Variants in SEMA5A observed in about 807,000 individuals in gnomAD.
SEMA5A encodes semaphorin 5A.
SEMA5A carries 55 observed loss-of-function variants against 135.5 expected under a neutral mutation model. That is an observed-to-expected ratio of 0.41 (90% CI 0.33 to 0.51). The LOEUF (loss-of-function observed/expected upper bound fraction) is 0.51, where lower values mean the gene tolerates loss of function less well. Ranked by LOEUF, SEMA5A falls within the 20% of genes least tolerant of loss-of-function variation. The pLI is 0.37. For synonymous variants in SEMA5A, 580 were observed against 546.5 expected (o/e 1.06, Z -0.85); for missense variants, 1,290 against 1,419.9 (o/e 0.91, Z 1.47).
At chr5:9,059,548 GTTTAT>G (rs1043607228) in intron 18 of SEMA5A, among the ~76,000 whole-genome samples, 14 of 152,052 alleles carry the variant, frequency 9.2e-5, no homozygotes, top group Non-Finnish European at 1.6e-4. Flanking sequence ...ATATTCTCTG[GTTTAT>G]TTTATTTTTA....
intron 5 of SEMA5A, among the ~76,000 whole-genome samples, chr5:9,255,155 C>T (rs987300563): frequency 1.3e-4 from 20 of 152,184 alleles, no homozygotes; most frequent in African/African-American, 4.8e-4. Flanking sequence ...CAAAACATTC[C>T]TTATCTTGAT....
intron 6 of SEMA5A, among the ~76,000 whole-genome samples, chr5:9,227,825 C>T (rs1244790898): frequency 1.3e-5 from 2 of 152,230 alleles, no homozygotes; most frequent in Non-Finnish European, 2.9e-5. Context: ...GCTGGGATTA[C>T]AGGCGTGAGC....
chr5:9,163,165 T>C (rs1031307938), intron 11 of SEMA5A, among the ~76,000 whole-genome samples: 4 of 151,978 alleles, frequency 2.6e-5, no homozygotes, highest in African/African-American at 9.7e-5. Context: ...CCAGGGCAGA[T>C]CAGACTTCTC....
chr5:9,234,587 T>C (rs1241456480), intron 6 of SEMA5A, among the ~76,000 whole-genome samples: 1 of 152,216 alleles, frequency 6.6e-6, no homozygotes, highest in East Asian at 1.9e-4. Flanking sequence ...ATTTAAACTG[T>C]CTGTGAATTT....
intron 5 of SEMA5A, among the ~76,000 whole-genome samples, chr5:9,300,242 G>T (rs770097206): frequency 1.3e-5 from 2 of 152,106 alleles, no homozygotes; most frequent in Non-Finnish European, 2.9e-5. Flanking sequence ...TACCCAGGCT[G>T]GTCTCAAACT....
rs191414035 is a variant in SEMA5A at position 9,115,378 on chromosome 5, A to G, written c.1925+3620T>C. Among the ~76,000 whole-genome samples the G allele has an allele frequency of 1.1e-4, 17 of 152,328 alleles. No homozygotes were observed. The East Asian group carries it at 2.5e-3, about 22-fold the overall frequency. Reference sequence around the variant, plus strand: ...TATGCCCACTCCCTGAACTTAATTAAGCAACTCCAAACACTTGCTCAGCTA... The same window carrying G: ...TATGCCCACTCCCTGAACTTAATTAGGCAACTCCAAACACTTGCTCAGCTA... On this transcript the variant is annotated intron_variant, in intron 15 of 22. Transcript: ENST00000382496.
intron 16 of SEMA5A, among the ~76,000 whole-genome samples, chr5:9,094,627 C>T (rs146401526): frequency 2.5e-3 from 378 of 152,230 alleles, no homozygotes; most frequent in Admixed American, 6.6e-3. Context: ...ACTTTATGTG[C>T]GGAGCCCGAA....
At chr5:9,358,013 G>A (rs892383241) in intron 3 of SEMA5A, among the ~76,000 whole-genome samples, 8 of 152,156 alleles carry the variant, frequency 5.3e-5, no homozygotes, top group Admixed American at 1.3e-4. Context: ...ACTAGACTGA[G>A]ACAGTGGATC....
intron 1 of SEMA5A, among the ~76,000 whole-genome samples, chr5:9,484,610 A>G (rs1042890561): frequency 1.3e-5 from 2 of 152,210 alleles, no homozygotes; most frequent in Non-Finnish European, 2.9e-5. Flanking sequence ...ATCATTATAT[A>G]TCGGTTTATT....
intron 1 of SEMA5A, among the ~76,000 whole-genome samples, chr5:9,542,695 T>A (rs1738158947): frequency 6.6e-6 from 1 of 152,184 alleles, no homozygotes; most frequent in South Asian, 2.1e-4. Flanking sequence ...GAATCAAGAA[T>A]TATGGAGGAT....
intron 11 of SEMA5A, among the ~76,000 whole-genome samples, chr5:9,167,528 C>T (rs1010266167): frequency 2.6e-5 from 4 of 152,274 alleles, no homozygotes; most frequent in African/African-American, 9.6e-5. Flanking sequence ...TTCAATGTCT[C>T]CCCCTTTCCA....
At position 9,274,957 on chromosome 5, in the gene SEMA5A, C is replaced by A. The variant is rs987605127; in HGVS notation, c.271-37067G>T. The stretch of plus-strand genomic sequence containing the variant: ...AAGAGCAAACACATTCAAAAGCCAG[C>A]AGAAGGCAAGAAATAACTAAGATCA... On this transcript the variant is annotated intron_variant, in intron 5 of 22. Transcript: ENST00000382496. 4.6e-5 allele frequency among the ~76,000 whole-genome samples: 7 copies of A among 151,988 alleles called. No homozygotes were observed. In the East Asian group the frequency reaches 1.2e-3, roughly 25 times the overall value.
At chr5:9,471,092 ACT>A (rs1236148925) in intron 1 of SEMA5A, among the ~76,000 whole-genome samples, 2 of 152,038 alleles carry the variant, frequency 1.3e-5, no homozygotes, top group Non-Finnish European at 2.9e-5. Context: ...CTGAGAACTG[ACT>A]CTGCTTTCTG....
intron 13 of SEMA5A, 145 bp from the exon 14 acceptor site, chr5:9,122,982 G>A (rs1413170697): frequency 1.8e-5 from 13 of 727,872 alleles, no homozygotes; most frequent in South Asian, 5.2e-5. Context: ...AGGGCCAGGC[G>A]CGGTGGTTCA....
intron 1 of SEMA5A, among the ~76,000 whole-genome samples, chr5:9,521,794 C>T (rs190248568): frequency 1.3e-5 from 2 of 152,166 alleles, no homozygotes; most frequent in African/African-American, 4.8e-5. Context: ...GCGCTCCCTG[C>T]AGCCGTGTTC....
chr5:9,146,680 A>G (rs900994985), intron 12 of SEMA5A, among the ~76,000 whole-genome samples: 6 of 152,338 alleles, frequency 3.9e-5, no homozygotes, highest in African/African-American at 1.4e-4. Context: ...TACTTACACC[A>G]GAATTTCTTA....
intron 5 of SEMA5A, among the ~76,000 whole-genome samples, chr5:9,316,562 A>G (rs903115021): frequency 4.6e-5 from 7 of 152,228 alleles, no homozygotes; most frequent in African/African-American, 1.7e-4. Context: ...TGAGTATAAT[A>G]TGTAGTTTCT....
chr5:9,318,146 G>A lies in SEMA5A; in HGVS notation c.270+226C>T, dbSNP rs141394448. ...AAGGACAAATCAGGATCACATCCAC[G>A]GAACAAACAGGGCCACCTGACAGGA... On this transcript the variant is annotated intron_variant, in intron 5 of 22. Coordinates refer to ENST00000382496, the MANE Select transcript of SEMA5A (RefSeq NM_003966.3). Among the ~76,000 whole-genome samples, 17 of 152,248 alleles carry A rather than the reference G, an allele frequency of 1.1e-4. No individual in the cohort carries two copies. The East Asian group carries it at 2.9e-3, about 26-fold the overall frequency.
At chr5:9,052,654 A>G (rs1000797971) in intron 19 of SEMA5A, among the ~76,000 whole-genome samples, 1 of 152,162 alleles carries the variant, frequency 6.6e-6, no homozygotes, top group African/African-American at 2.4e-5. Context: ...CTGAAGAGAT[A>G]AGGTCAATGC....
Sources: allele counts gnomAD v4.1 joint callset (sites outside exome capture counted in the v4.1 genomes callset), GRCh38; gene constraint gnomAD v4.1.1; transcripts MANE v1.5; gene names NCBI Gene and HGNC (gene_info 2026-07-23, HGNC 2026-07-21).